DSCAM: variants seen among roughly 807,000 people sequenced by gnomAD.
DSCAM encodes DS cell adhesion molecule.
In DSCAM, 47 loss-of-function variants were observed where a neutral mutation model predicts 217.7. That is an observed-to-expected ratio of 0.22 (90% CI 0.17 to 0.28). The LOEUF (loss-of-function observed/expected upper bound fraction) is 0.28. Among genes scored for constraint, DSCAM ranks in the 10% least tolerant of loss-of-function variants. The probability of loss-of-function intolerance (pLI) is 1.00; values close to 1 mark genes in which losing one functional copy is unlikely to be tolerated. For synonymous variants in DSCAM, 1,056 were observed against 1,015.3 expected (o/e 1.04, Z -0.76); for missense variants, 2,080 against 2,618.3 (o/e 0.79, Z 4.49).
At chr21:40,036,595 G>A (rs1357509702) in intron 32 of DSCAM, among the ~76,000 whole-genome samples, 37 of 148,332 alleles carry the variant, frequency 2.5e-4, no homozygotes, top group Non-Finnish European at 4.9e-4. Context: ...GTACAAGAAG[G>A]AACTGGTACC....
At chr21:40,281,523 A>G (rs1212686158) in intron 10 of DSCAM, among the ~76,000 whole-genome samples, 1 of 152,190 alleles carries the variant, frequency 6.6e-6, no homozygotes, top group East Asian at 1.9e-4. Flanking sequence ...AGAATTTCGG[A>G]CCAAAGGTGA....
At chr21:40,626,692 C>G (rs1013684253) in intron 3 of DSCAM, among the ~76,000 whole-genome samples, 16 of 152,160 alleles carry the variant, frequency 1.1e-4, no homozygotes, top group Admixed American at 1.0e-3. Flanking sequence ...CATAGAGAGA[C>G]CTTCCTGCTT....
At chr21:40,416,931 A>T (rs1043986158) in intron 3 of DSCAM, among the ~76,000 whole-genome samples, 6 of 152,168 alleles carry the variant, frequency 3.9e-5, no homozygotes, top group African/African-American at 1.4e-4. Context: ...ATTCAAGAAC[A>T]TCTCATGTAA....
intron 1 of DSCAM, among the ~76,000 whole-genome samples, chr21:40,736,674 T>C (rs1488454784): frequency 3.3e-5 from 5 of 152,146 alleles, no homozygotes; most frequent in African/African-American, 1.2e-4. Flanking sequence ...ATTCAGGACA[T>C]CTCAAGGGTT....
At chr21:40,713,828 G>C (rs562037959) in intron 1 of DSCAM, among the ~76,000 whole-genome samples, 1 of 152,286 alleles carries the variant, frequency 6.6e-6, no homozygotes, top group African/African-American at 2.4e-5. Flanking sequence ...GAGCAGAATA[G>C]AGGCAGAAGA....
chr21:40,486,120 T>C (rs2076026020), intron 3 of DSCAM, among the ~76,000 whole-genome samples: 1 of 152,194 alleles, frequency 6.6e-6, no homozygotes, highest in African/African-American at 2.4e-5. Context: ...CAGCCATAGA[T>C]GGCTAACAGA....
At chr21:40,437,717 G>T (rs147532994) in intron 3 of DSCAM, among the ~76,000 whole-genome samples, 1 of 152,120 alleles carries the variant, frequency 6.6e-6, no homozygotes, top group African/African-American at 2.4e-5. Context: ...CAGGCGTGGT[G>T]GTGGGCACCT....
chr21:40,821,790 T>C (rs2091930447), intron 1 of DSCAM, among the ~76,000 whole-genome samples: 1 of 151,996 alleles, frequency 6.6e-6, no homozygotes, highest in Admixed American at 6.6e-5. Context: ...GTGTCATCAC[T>C]TATAAATGGG....
At chr21:40,568,827 G>A (rs906665267) in intron 3 of DSCAM, among the ~76,000 whole-genome samples, 1 of 152,100 alleles carries the variant, frequency 6.6e-6, no homozygotes, top group African/African-American at 2.4e-5. Context: ...CTCAGGGCAG[G>A]CTAGACAATG....
At chr21:40,433,709 A>C (rs2075557469) in intron 3 of DSCAM, among the ~76,000 whole-genome samples, 1 of 152,134 alleles carries the variant, frequency 6.6e-6, no homozygotes, top group Non-Finnish European at 1.5e-5. Context: ...TCTGAGGTGG[A>C]TGTCACCTGA....
At chr21:40,617,210 C>G (rs1273719018) in intron 3 of DSCAM, among the ~76,000 whole-genome samples, 2 of 148,380 alleles carry the variant, frequency 1.3e-5, no homozygotes, top group African/African-American at 5.0e-5. Context: ...TGCAAGCTCC[C>G]CCTCCCAGGT....
intron 3 of DSCAM, among the ~76,000 whole-genome samples, chr21:40,691,657 A>G (rs1010022882): frequency 6.6e-6 from 1 of 152,266 alleles, no homozygotes; most frequent in African/African-American, 2.4e-5. Flanking sequence ...CCTAAGTTAA[A>G]TTATGATAAT....
At chr21:40,261,990 G>A (rs1047109060) in intron 11 of DSCAM, among the ~76,000 whole-genome samples, 2 of 151,836 alleles carry the variant, frequency 1.3e-5, no homozygotes, top group African/African-American at 4.8e-5. Flanking sequence ...AAAGGCACCT[G>A]AGAGTTAACT....
chr21:40,497,180 G>T (rs1454752428), intron 3 of DSCAM, among the ~76,000 whole-genome samples: 1 of 152,150 alleles, frequency 6.6e-6, no homozygotes, highest in Non-Finnish European at 1.5e-5. Flanking sequence ...GCGTATCGAA[G>T]AGATATCTCC....
At position 40,509,415 on chromosome 21, in the gene DSCAM, G is replaced by T. The variant is rs1857921998; in HGVS notation, c.509-140170C>A. Reference sequence around the variant, plus strand: ...CTGGAGAAATAACGGCTAGATCCTTGCCAAGTGGCCAAAGGAGATTTGATT... The same window carrying T: ...CTGGAGAAATAACGGCTAGATCCTTTCCAAGTGGCCAAAGGAGATTTGATT... On this transcript the variant is annotated intron_variant, in intron 3 of 32. Coordinates refer to ENST00000400454, the MANE Select transcript of DSCAM (RefSeq NM_001389.5). 3.3e-5 allele frequency among the ~76,000 whole-genome samples: 5 copies of T among 152,114 alleles called. No individual in the cohort carries two copies. In the South Asian group the frequency reaches 8.3e-4, roughly 25 times the overall value.
At chr21:40,282,149 G>A (rs1460325020) in intron 10 of DSCAM, among the ~76,000 whole-genome samples, 1 of 152,128 alleles carries the variant, frequency 6.6e-6, no homozygotes, top group Non-Finnish European at 1.5e-5. Flanking sequence ...TTATTTAAGT[G>A]CTTAAATTTG....
At chr21:40,532,724 A>T (rs912213486) in intron 3 of DSCAM, among the ~76,000 whole-genome samples, 4 of 152,282 alleles carry the variant, frequency 2.6e-5, no homozygotes, top group Non-Finnish European at 5.9e-5. Context: ...CAAAGGAAAG[A>T]GCAAGAGAGC....
chr21:40,250,286 T>G (rs2073284648), intron 11 of DSCAM, among the ~76,000 whole-genome samples: 2 of 152,156 alleles, frequency 1.3e-5, no homozygotes, highest in African/African-American at 4.8e-5. Flanking sequence ...GTAAGGAATT[T>G]TGGTGTTTTT....
chr21:40,087,651 T>C (rs2837427), intron 21 of DSCAM, among the ~76,000 whole-genome samples: 5,009 of 152,322 alleles, frequency 0.033, 285 homozygotes, highest in African/African-American at 0.11. Flanking sequence ...CATTAAAATA[T>C]ACTTTAATAT....
Sources: allele counts gnomAD v4.1 joint callset (sites outside exome capture counted in the v4.1 genomes callset), GRCh38; gene constraint gnomAD v4.1.1; transcripts MANE v1.5; gene names NCBI Gene and HGNC (gene_info 2026-07-23, HGNC 2026-07-21).